The following VPS13A variants were observed in gnomAD, a reference collection of about 807,000 sequenced individuals.
VPS13A encodes vacuolar protein sorting 13 homolog A, also known as intermembrane lipid transfer protein VPS13A.
VPS13A carries 264 observed loss-of-function variants against 390.9 expected under a neutral mutation model. The ratio of observed to expected loss-of-function variants is 0.68; its 90% CI spans 0.61 to 0.75. The LOEUF (loss-of-function observed/expected upper bound fraction) is 0.75, where lower values mean the gene tolerates loss of function less well. VPS13A is among the 30% of genes least tolerant of loss of function. The pLI, the probability that VPS13A is intolerant of heterozygous loss-of-function variation, is 0.00. For synonymous variants in VPS13A, 1,231 were observed against 1,227.1 expected, an observed-to-expected ratio of 1.00 and a Z score of -0.07; for missense variants, 3,409 against 3,733.9, an observed-to-expected ratio of 0.91 and a Z score of 2.27.
chr9:77,360,869 G>A (rs1052247313), intron 59 of VPS13A, among the ~76,000 whole-genome samples: 40 of 152,096 alleles, frequency 2.6e-4, no homozygotes, highest in African/African-American at 9.2e-4. Flanking sequence ...AGGATAATTT[G>A]TCATGTTCAC....
chr9:77,325,219 C>G (rs1441784884), intron 45 of VPS13A, among the ~76,000 whole-genome samples: 7 of 152,192 alleles, frequency 4.6e-5, no homozygotes, highest in Admixed American at 1.3e-4. Flanking sequence ...AATGCTCTGG[C>G]TGATCTGACA....
intron 16 of VPS13A, 45 bp downstream of exon 16, chr9:77,227,530 T>G (rs765938240): frequency 7.0e-7 from 1 of 1,424,280 alleles, no homozygotes; most frequent in Non-Finnish European, 9.7e-7. Context: ...ATTTATTTAT[T>G]TATTTGTTTA....
chr9:77,358,333 A>G, intron 56 of VPS13A, 24 bp from the exon 57 acceptor site: 1 of 1,539,354 alleles, frequency 6.5e-7, no homozygotes, highest in Non-Finnish European at 9.0e-7. Context: ...ATATTAATAT[A>G]CTGATGTGTT....
Position 77,221,248 on chromosome 9 carries a change from A to G in VPS13A, c.1053A>G (p.Ser351=). Residue 351 remains serine (S), a synonymous_variant, in exon 13 of 72, where the codon TCA becomes TCG. Transcript: ENST00000360280. ...TTTGCCCCAGGTTATGGATGTGGTC[A>G]TGGAAGCATATTAGAAAACATAGGC... ...VNVCPRLWMW[S]WKHIRKHRQK... 2 of 1,613,560 alleles carry G rather than the reference A, an allele frequency of 1.2e-6. No homozygotes were observed. Among genetic ancestry groups the G allele is most frequent in the Non-Finnish European group, 1.7e-6 (2 of 1,179,620 alleles).
chr9:77,321,128 C>A, intron 42 of VPS13A, 41 bp from the exon 43 acceptor site: 1 of 1,567,382 alleles, frequency 6.4e-7, no homozygotes, highest in South Asian at 1.1e-5. Context: ...ATGTTGTGTT[C>A]TTAGAATTTT....
chr9:77,337,680 C>A, intron 47 of VPS13A, 143 bp downstream of exon 47: 2 of 775,698 alleles, frequency 2.6e-6, no homozygotes, highest in South Asian at 2.2e-5. Flanking sequence ...TATTCTTTTG[C>A]AACAAGTATG....
intron 52 of VPS13A, 90 bp downstream of exon 52, chr9:77,345,232 C>T: frequency 7.4e-7 from 1 of 1,353,500 alleles, no homozygotes; most frequent in Non-Finnish European, 1.0e-6. Context: ...AGAGTATAAA[C>T]ACTGATAATA....
At chr9:77,206,710 C>T (rs998517012) in intron 5 of VPS13A, among the ~76,000 whole-genome samples, 4 of 152,092 alleles carry the variant, frequency 2.6e-5, no homozygotes, top group African/African-American at 4.8e-5. Flanking sequence ...CATGTAAATA[C>T]GCTGTTCTTT....
intron 22 of VPS13A, among the ~76,000 whole-genome samples, chr9:77,252,607 A>G (rs1254736453): frequency 6.6e-6 from 1 of 152,156 alleles, no homozygotes; most frequent in African/African-American, 2.4e-5. Context: ...TTCTCTTCCA[A>G]ACTGAAACTC....
At chr9:77,264,777 A>G (rs1825940612) in intron 23 of VPS13A, among the ~76,000 whole-genome samples, 1 of 152,184 alleles carries the variant, frequency 6.6e-6, no homozygotes, top group Non-Finnish European at 1.5e-5. Flanking sequence ...TCCTATTTGA[A>G]TACCCTTTAT....
At chr9:77,406,608 T>C (rs1834622535) in intron 70 of VPS13A, among the ~76,000 whole-genome samples, 1 of 151,912 alleles carries the variant, frequency 6.6e-6, no homozygotes, top group Admixed American at 6.6e-5. Flanking sequence ...GTACAGACGG[T>C]GTTTCACCAG....
At chr9:77,298,640 G>A (rs972256494) in intron 33 of VPS13A, among the ~76,000 whole-genome samples, 2 of 152,128 alleles carry the variant, frequency 1.3e-5, no homozygotes, top group African/African-American at 4.8e-5. Flanking sequence ...AGTGGAACAG[G>A]ATTTTAATGA....
At chr9:77,369,722 A>T (rs1029247004) in intron 63 of VPS13A, among the ~76,000 whole-genome samples, 2 of 152,246 alleles carry the variant, frequency 1.3e-5, no homozygotes, top group African/African-American at 4.8e-5. Context: ...TATAAAAATA[A>T]TCATGCAAAC....
At chr9:77,398,763 G>A (rs182527351) in intron 68 of VPS13A, among the ~76,000 whole-genome samples, 4 of 152,178 alleles carry the variant, frequency 2.6e-5, no homozygotes, top group Admixed American at 6.5e-5. Flanking sequence ...TTTGCTGTGC[G>A]ATGAGTTATC....
At chr9:77,289,101 G>A (rs1378351301) in intron 31 of VPS13A, among the ~76,000 whole-genome samples, 1 of 151,998 alleles carries the variant, frequency 6.6e-6, no homozygotes, top group Non-Finnish European at 1.5e-5. Context: ...TGTTTAAAGT[G>A]GGTTTCTGTT....
chr9:77,184,717 G>A (rs1824228532), intron 1 of VPS13A, among the ~76,000 whole-genome samples: 2 of 152,112 alleles, frequency 1.3e-5, no homozygotes, highest in African/African-American at 4.8e-5. Context: ...ATCTGTTGGT[G>A]TGATACATTA....
chr9:77,286,589 A>G (rs1321775991), intron 31 of VPS13A, among the ~76,000 whole-genome samples: 1 of 152,114 alleles, frequency 6.6e-6, no homozygotes, highest in Non-Finnish European at 1.5e-5. Context: ...ATGGCCTAGT[A>G]TTGGTGTTGA....
chr9:77,212,935 C>T (rs774215297), intron 7 of VPS13A, 34 bp from the exon 8 acceptor site: 3 of 1,609,126 alleles, frequency 1.9e-6, no homozygotes, highest in Non-Finnish European at 2.6e-6. Context: ...AATGGAATGA[C>T]CTTTTTACTG....
At chr9:77,394,482 T>A (rs1834042525) in intron 68 of VPS13A, among the ~76,000 whole-genome samples, 1 of 152,184 alleles carries the variant, frequency 6.6e-6, no homozygotes, top group Non-Finnish European at 1.5e-5. Context: ...GGCAAGAGGA[T>A]CCCTTGAACC....
Sources: gnomAD v4.1 joint callset for allele counts (sites outside exome capture counted in the v4.1 genomes callset) on GRCh38, gnomAD v4.1.1 for gene constraint, MANE v1.5 for transcripts, NCBI Gene and HGNC (gene_info 2026-07-23, HGNC 2026-07-21) for gene names.